The following HABP2 variants were observed in gnomAD, a reference collection of about 807,000 sequenced individuals.
HABP2 encodes the protein factor VII-activating protease.
A neutral mutation model predicts 66.5 loss-of-function variants in HABP2; 65 were observed. The observed-to-expected ratio is 0.98, with a 90% confidence interval of 0.80 to 1.20. The LOEUF is 1.20. HABP2 is among the 50% of genes most tolerant of loss of function. HABP2 has a pLI of 0.00. For missense variants in HABP2, 786 were observed against 691.0 expected (o/e 1.14, Z -1.54); for synonymous variants, 263 against 253.9 (o/e 1.04, Z -0.34).
At chr10:113,557,557 T>C (rs1311866168) in intron 1 of HABP2, among the ~76,000 whole-genome samples, 1 of 152,176 alleles carries the variant, frequency 6.6e-6, no homozygotes, top group Non-Finnish European at 1.5e-5. Context: ...CAAGGTTTCC[T>C]GGCTTAGGAC....
intron 9 of HABP2, 49 bp downstream of exon 9, chr10:113,582,180 T>C: frequency 6.5e-7 from 1 of 1,541,414 alleles, no homozygotes; most frequent in Non-Finnish European, 8.7e-7. Flanking sequence ...TGGCTGGGGG[T>C]GCTCTCCCCT....
At chr10:113,564,482 C>G (rs1041280876) in intron 1 of HABP2, among the ~76,000 whole-genome samples, 3 of 152,154 alleles carry the variant, frequency 2.0e-5, no homozygotes, top group Admixed American at 2.0e-4. Flanking sequence ...CTGCCAACCC[C>G]CACCCTCAGC....
intron 1 of HABP2, among the ~76,000 whole-genome samples, chr10:113,563,798 A>G (rs1289573002): frequency 1.3e-5 from 2 of 152,158 alleles, no homozygotes; most frequent in South Asian, 2.1e-4. Flanking sequence ...TTCTTAGGAC[A>G]TGGCCCACCC....
chr10:113,586,481 G>A (rs372123708), intron 12 of HABP2, among the ~76,000 whole-genome samples: 3 of 109,746 alleles, frequency 2.7e-5, no homozygotes, highest in Non-Finnish European at 6.2e-5. Flanking sequence ...TGTGTGGGGG[G>A]GGGGGGGGTG....
intron 1 of HABP2, among the ~76,000 whole-genome samples, chr10:113,558,247 C>T (rs573913742): frequency 4.6e-5 from 7 of 152,360 alleles, no homozygotes; most frequent in African/African-American, 1.7e-4. Flanking sequence ...TTCAAAACTT[C>T]AGTCATGAAT....
rs963768177 is a variant in HABP2 at position 113,573,525 on chromosome 10, T to A, written c.107-764T>A. 3.3e-5 allele frequency among the ~76,000 whole-genome samples: 5 copies of A among 152,078 alleles called. 1 individual carries two copies. Among genetic ancestry groups the A allele is most frequent in the African/African-American group, 9.7e-5 (4 of 41,392 alleles). On this transcript the variant is annotated intron_variant, in intron 2 of 12. Transcript: ENST00000351270. ...CAGTTGAGCTAGTGAGATTTAGGGG[T>A]TGTACGGAGACAAACTGCCATAGTT...
chr10:113,553,237 A>G, intron 1 of HABP2, 47 bp downstream of exon 1: 1 of 1,342,260 alleles, frequency 7.5e-7, no homozygotes, highest in Non-Finnish European at 1.1e-6. Flanking sequence ...TCCGAAGTTT[A>G]CTAGGAGGAC....
chr10:113,577,064 C>G (rs878858733), intron 4 of HABP2, 86 bp from the exon 5 acceptor site: 1 of 786,662 alleles, frequency 1.3e-6, no homozygotes, highest in Non-Finnish European at 2.3e-6. Context: ...CTGTCAGTCA[C>G]CCCACCCTCA....
rs145969308 is a variant in HABP2, at chr10:113,574,382, G to A, written c.200G>A (p.Trp67Ter). ...STLTHAENPDWYYTEDQADPC... is the reference protein window; with the variant it reads ...STLTHAENPD Reference sequence around the variant, plus strand: ...CTTACCCACGCTGAGAATCCTGACTGGTACTACACTGAGGACCAAGCTGGT... The same window carrying A: ...CTTACCCACGCTGAGAATCCTGACTAGTACTACACTGAGGACCAAGCTGGT... The change falls in exon 3 of 13, where the codon TGG becomes TAG. Residue 67 changes from tryptophan to a stop codon, truncating the protein, a stop_gained. Transcript: ENST00000351270. LOFTEE classifies it high-confidence loss of function. The A allele has an allele frequency of 5.1e-6, 8 of 1,567,458 alleles. No homozygotes were observed. Among genetic ancestry groups the A allele is most frequent in the Non-Finnish European group, 7.0e-6 (8 of 1,137,062 alleles).
chr10:113,580,581 G>A lies in HABP2; in HGVS notation c.741-14G>A, dbSNP rs755894185. On this transcript the variant is annotated splice_polypyrimidine_tract_variant and intron_variant, in intron 7 of 12. Transcript: ENST00000351270. ...TCAAGCCTTGACTCTGAGTTGTTTT[G>A]TTTTGTATTTTAGAAACCCAGATGC... is the stretch of plus-strand genomic sequence containing the variant. 9 of 1,398,902 alleles carry A rather than the reference G, an allele frequency of 6.4e-6. No individual in the cohort carries two copies. Among genetic ancestry groups the A allele is most frequent in the African/African-American group, 1.4e-5 (1 of 70,838 alleles). The allele number at this position is 1,398,902 out of a possible 1,614,324, so 86.7% of individuals were successfully genotyped here.
chr10:113,574,101 C>G (rs1400554232), intron 2 of HABP2, among the ~76,000 whole-genome samples, 188 bp from the exon 3 acceptor site: 1 of 152,148 alleles, frequency 6.6e-6, no homozygotes, highest in Non-Finnish European at 1.5e-5. Context: ...TCATAGCGTC[C>G]CCCAAGTGAA....
At chr10:113,573,695 C>G (rs1466334677) in intron 2 of HABP2, among the ~76,000 whole-genome samples, 1 of 152,156 alleles carries the variant, frequency 6.6e-6, no homozygotes, top group Non-Finnish European at 1.5e-5. Flanking sequence ...GTGCTTAGCA[C>G]AGGGCATGGT....
rs1023474837 is a variant in HABP2 at position 113,588,438 on chromosome 10, C to A, written c.*69C>A. ...TGACACCGGGAGGCCTCATGGCCAA[C>A]AATGGACACCTCCAGAGCCTCCAGG... On this transcript the variant is annotated 3_prime_UTR_variant, in exon 13 of 13. Transcript: ENST00000351270. 4 of 1,210,186 alleles carry A rather than the reference C, an allele frequency of 3.3e-6. No homozygotes were observed. The highest frequency in any genetic ancestry group is 3.0e-5 in the African/African-American group (2 of 66,266). 75.0% of individuals were successfully genotyped at this position (1,210,186 alleles called of 1,614,324 possible). A position where few individuals can be genotyped will look rare whatever the true frequency, so the allele number is the denominator to read the frequency against.
rs200192110 is a variant in HABP2 at position 113,553,119 on chromosome 10, A to G, written c.-3A>G. The G allele has an allele frequency of 2.3e-3, 3,654 of 1,612,450 alleles. 7 individuals are homozygous for G. Among genetic ancestry groups the G allele is most frequent in the Non-Finnish European group, 2.9e-3 (3,445 of 1,178,404 alleles). On this transcript the variant is annotated 5_prime_UTR_variant, in exon 1 of 13. Coordinates refer to ENST00000351270, the MANE Select transcript of HABP2 (RefSeq NM_004132.5). ...GGAAAACACAAGTCCTTAAACTGCA[A>G]AGATGTTTGCCAGGATGTCTGATCT...
rs1223507582 is a variant in HABP2 at position 113,575,977 on chromosome 10, C to G, written c.304C>G (p.Pro102Ala). 6.2e-7 allele frequency: 1 copy of G among 1,605,520 alleles called. No individual in the cohort carries two copies. Among genetic ancestry groups the G allele is most frequent in the South Asian group, 1.1e-5 (1 of 90,894 alleles). Residue 102 changes from proline (P) to alanine (A), a missense_variant, in exon 4 of 13, where the codon CCT becomes GCT. Pro to Ala is a conservative substitution (Grantham distance 27). Coordinates refer to ENST00000351270, the MANE Select transcript of HABP2 (RefSeq NM_004132.5). ...GSTFTCSCLA[P>A]FSGNKCQKVQ... ...CACCTTCACATGCAGCTGCCTGGCTCCTTTCTCTGGGAATAAGTGTCAGAA... is the reference window on the plus strand; with the variant it reads ...CACCTTCACATGCAGCTGCCTGGCTGCTTTCTCTGGGAATAAGTGTCAGAA...
chr10:113,558,878 G>A (rs540990837), intron 1 of HABP2, among the ~76,000 whole-genome samples: 102 of 151,872 alleles, frequency 6.7e-4, no homozygotes, highest in African/African-American at 1.3e-3. Flanking sequence ...TTTCTTAGAC[G>A]GAGTCTCGCT....
At chr10:113,575,854 C>T (rs1845398739) in intron 3 of HABP2, 43 bp from the exon 4 acceptor site, 1 of 1,160,420 alleles carries the variant, frequency 8.6e-7, no homozygotes, top group Admixed American at 1.9e-5. Flanking sequence ...CGCTTCTCAC[C>T]TGCCTTTCCT....
In HABP2 at chr10:113,588,971, TG is replaced by T; in HGVS notation, c.*604del. ...GGCCTCTCAGGAATCAGGGTGGACA[TG>T]GCTCACAACAGCAGGGCCTTCTTCT... On this transcript the variant is annotated 3_prime_UTR_variant, in exon 13 of 13. Transcript: ENST00000351270. The T allele has an allele frequency of 6.2e-7, 1 of 1,610,648 alleles. No individual in the cohort carries two copies.
At position 113,588,185 on chromosome 10, in the gene HABP2, T is replaced by A. The variant is rs1485449293; in HGVS notation, c.1519-20T>A. On this transcript the variant is annotated intron_variant, in intron 12 of 12. Transcript: ENST00000351270. ...TGTCTCTGGTTCACGAGGATGAGCTTATGCCTCTGTTTCCCTTAGGGTGAC... is the reference window on the plus strand; with the variant it reads ...TGTCTCTGGTTCACGAGGATGAGCTAATGCCTCTGTTTCCCTTAGGGTGAC... 1 of 1,581,990 alleles carries A rather than the reference T, an allele frequency of 6.3e-7. No individual in the cohort carries two copies. The highest frequency in any genetic ancestry group is 1.8e-5 in the Admixed American group (1 of 55,794).
Sources: gnomAD v4.1 joint callset for allele counts (sites outside exome capture counted in the v4.1 genomes callset) on GRCh38, gnomAD v4.1.1 for gene constraint, MANE v1.5 for transcripts, NCBI Gene and HGNC (gene_info 2026-07-23, HGNC 2026-07-21) for gene names.